Variants in ELAVL4 observed in about 807,000 individuals in gnomAD.
The protein encoded by ELAVL4 is ELAV like RNA binding protein 4.
ELAVL4 carries 1 observed loss-of-function variant against 35.6 expected under a neutral mutation model. The observed-to-expected ratio is 0.03, with a 90% CI of 0.01 to 0.13. The LOEUF (loss-of-function observed/expected upper bound fraction) is 0.13, where lower values mean the gene tolerates loss of function less well. ELAVL4 is among the 10% of genes least tolerant of loss of function. The probability of loss-of-function intolerance (pLI) is 1.00; values close to 1 mark genes in which losing one functional copy is unlikely to be tolerated. For synonymous variants in ELAVL4, 156 were observed against 171.0 expected (o/e 0.91, Z 0.69); for missense variants, 267 against 464.9 (o/e 0.57, Z 3.91).
chr1:50,112,434 C>T (rs1337037782), intron 1 of ELAVL4, among the ~76,000 whole-genome samples: 1 of 152,054 alleles, frequency 6.6e-6, no homozygotes, highest in African/African-American at 2.4e-5. Flanking sequence ...TGCCTACTAC[C>T]TTCATGTGGA....
chr1:50,133,594 G>GA (rs879311901), intron 1 of ELAVL4, among the ~76,000 whole-genome samples: 462 of 111,864 alleles, frequency 4.1e-3, no homozygotes, highest in Middle Eastern at 8.4e-3. Flanking sequence ...AAGAAAGAAA[G>GA]AAAGAAAAGA....
rs1669138649 is a variant in ELAVL4 at position 50,122,123 on chromosome 1, G to A, written c.9+12925G>A. On this transcript the variant is annotated intron_variant, in intron 1 of 6. Coordinates refer to ENST00000371824, the MANE Select transcript of ELAVL4 (RefSeq NM_001144774.3). ...TAAATTACAGCCAGTAATTGGTTGG[G>A]CCAGGATTTGATTTGAACCCAGATT... Among the ~76,000 whole-genome samples the A allele has an allele frequency of 2.0e-5, 3 of 151,928 alleles. No individual in the cohort carries two copies. The South Asian group carries it at 6.2e-4, about 31-fold the overall frequency.
intron 1 of ELAVL4, among the ~76,000 whole-genome samples, chr1:50,124,339 C>A (rs547239775): frequency 1.3e-5 from 2 of 152,186 alleles, no homozygotes; most frequent in African/African-American, 2.4e-5. Flanking sequence ...ATAATAGTGA[C>A]CCTTTATGTA....
At chr1:50,165,451 TATAGATAC>T (rs1217310291) in intron 2 of ELAVL4, among the ~76,000 whole-genome samples, 3 of 150,456 alleles carry the variant, frequency 2.0e-5, no homozygotes, top group African/African-American at 7.3e-5. Flanking sequence ...TAGATATAGA[TATAGATAC>T]ACACACACAC....
At chr1:50,101,909 T>G (rs910356724), upstream of ELAVL4, among the ~76,000 whole-genome samples, 1 of 152,206 alleles carries the variant, frequency 6.6e-6, no homozygotes, top group Non-Finnish European at 1.5e-5. Flanking sequence ...TTGAGTAAAA[T>G]TGTGTATGTC....
intron 1 of ELAVL4, among the ~76,000 whole-genome samples, chr1:50,079,393 C>CA (rs1664910732): frequency 6.6e-6 from 1 of 152,166 alleles, no homozygotes; most frequent in Non-Finnish European, 1.5e-5. Flanking sequence ...AGAGAGGTTA[C>CA]AGTACATTTT....
intron 2 of ELAVL4, among the ~76,000 whole-genome samples, chr1:50,146,318 G>A (rs529256009): frequency 9.9e-5 from 15 of 152,194 alleles, no homozygotes; most frequent in African/African-American, 3.4e-4. Flanking sequence ...TAAGTAGTTT[G>A]CAAAATCATA....
chr1:50,083,935 GTCTT>G (rs1364639596), intron 1 of ELAVL4, among the ~76,000 whole-genome samples: 7 of 152,128 alleles, frequency 4.6e-5, no homozygotes, highest in Admixed American at 1.3e-4. Flanking sequence ...GCATAGCTGA[GTCTT>G]TATTGTTAAA....
chr1:50,156,789 G>T (rs1055857040), intron 2 of ELAVL4, among the ~76,000 whole-genome samples: 1 of 152,150 alleles, frequency 6.6e-6, no homozygotes, highest in East Asian at 1.9e-4. Flanking sequence ...CAGCTGGGAC[G>T]AGAGACCTTC....
At chr1:50,177,728 G>A (rs577702196) in intron 3 of ELAVL4, among the ~76,000 whole-genome samples, 4 of 152,234 alleles carry the variant, frequency 2.6e-5, no homozygotes, top group South Asian at 4.1e-4. Context: ...CCTCCTAATC[G>A]AGACTCGAAA....
Position 50,165,766 on chromosome 1 carries a change from G to GTA in ELAVL4, c.251-11319_251-11318dup, listed in dbSNP as rs1490666135. On this transcript the variant is annotated intron_variant, in intron 2 of 6. Transcript: ENST00000371824. ...TATATACATATATGTGTATATGTGT[G>GTA]TATATGTGTGTATATATGTGTATAT... Among the ~76,000 whole-genome samples the GTA allele has an allele frequency of 1.6e-3, 244 of 149,536 alleles. 1 individual carries two copies. Among genetic ancestry groups the GTA allele is most frequent in the African/African-American group, 5.7e-3 (233 of 40,666 alleles).
chr1:50,095,873 C>T (rs1214250410), intron 1 of ELAVL4, among the ~76,000 whole-genome samples: 1 of 152,160 alleles, frequency 6.6e-6, no homozygotes, highest in East Asian at 1.9e-4. Flanking sequence ...GTTGAAAGCT[C>T]ATAGCATGAG....
At chr1:50,161,249 C>CT (rs540373679) in intron 2 of ELAVL4, among the ~76,000 whole-genome samples, 3 of 151,262 alleles carry the variant, frequency 2.0e-5, no homozygotes, top group African/African-American at 4.9e-5. Flanking sequence ...AAATCATCCT[C>CT]TTTTTTTTTC....
chr1:50,076,623 G>C (rs183934476), intron 1 of ELAVL4, among the ~76,000 whole-genome samples: 2 of 152,242 alleles, frequency 1.3e-5, no homozygotes, highest in East Asian at 3.9e-4. Flanking sequence ...GGGTCCTGGA[G>C]GCAAAAATGT....
intron 2 of ELAVL4, among the ~76,000 whole-genome samples, chr1:50,164,944 T>C (rs996473469): frequency 1.2e-4 from 18 of 152,032 alleles, no homozygotes; most frequent in African/African-American, 4.1e-4. Flanking sequence ...GAAAGAGAAA[T>C]GAATAAAGCA....
intron 1 of ELAVL4, among the ~76,000 whole-genome samples, chr1:50,128,445 T>C (rs967281866): frequency 6.6e-6 from 1 of 152,232 alleles, no homozygotes; most frequent in Admixed American, 6.5e-5. Context: ...AGTCATCCAT[T>C]TATTCATTTA....
At chr1:50,136,843 G>C (rs1195650615) in intron 1 of ELAVL4, among the ~76,000 whole-genome samples, 2 of 152,138 alleles carry the variant, frequency 1.3e-5, no homozygotes, top group African/African-American at 4.8e-5. Context: ...CAGGAGTTAA[G>C]GACTGCCAAA....
At chr1:50,199,896 T>C (rs1457375315) in intron 6 of ELAVL4, among the ~76,000 whole-genome samples, 1 of 152,090 alleles carries the variant, frequency 6.6e-6, no homozygotes, top group East Asian at 1.9e-4. Context: ...ATTTAAAGGG[T>C]CATTTTTTCT....
chr1:50,116,384 C>A (rs964267482), intron 1 of ELAVL4, among the ~76,000 whole-genome samples: 1 of 147,838 alleles, frequency 6.8e-6, no homozygotes, highest in Non-Finnish European at 1.5e-5. Context: ...TCATATACAT[C>A]TAAATACTGT....
Sources: allele counts gnomAD v4.1 joint callset (sites outside exome capture counted in the v4.1 genomes callset), GRCh38; gene constraint gnomAD v4.1.1; transcripts MANE v1.5; gene names NCBI Gene and HGNC (gene_info 2026-07-23, HGNC 2026-07-21).